Variants in MRPS26 observed in about 807,000 individuals in gnomAD.
MRPS26 encodes the protein small ribosomal subunit protein mS26.
MRPS26 carries 26 observed loss-of-function variants against 22.7 expected under a neutral mutation model. The observed-to-expected ratio is 1.15, with a 90% confidence interval of 0.84 to 1.59. The LOEUF is 1.59. MRPS26 is among the 40% of genes most tolerant of loss of function. The probability of loss-of-function intolerance (pLI) is 0.00; values close to 1 mark genes in which losing one functional copy is unlikely to be tolerated. For synonymous variants in MRPS26, 120 were observed against 124.0 expected (o/e 0.97, Z 0.22); for missense variants, 291 against 287.7 (o/e 1.01, Z -0.08).
At chr20:3,047,662 G>A in intron 3 of MRPS26, 73 bp from the exon 4 acceptor site, 1 of 1,592,296 alleles carries the variant, frequency 6.3e-7, no homozygotes, top group Non-Finnish European at 8.6e-7. Context: ...TGGGGTGAGA[G>A]GCCAGCAGGC....
intron 3 of MRPS26, among the ~76,000 whole-genome samples, chr20:3,047,166 C>CG (rs1262523437): frequency 6.6e-6 from 1 of 152,040 alleles, no homozygotes; most frequent in Non-Finnish European, 1.5e-5. Context: ...TATGGGAGGC[C>CG]GAAGCGGGCG....
rs1568721451 is a variant in MRPS26 at position 3,047,809 on chromosome 20, C to T, written c.558C>T (p.Asn186=). Residue 186 remains asparagine, a synonymous_variant, in exon 4 of 4, where the codon AAC becomes AAT. Coordinates refer to ENST00000380325, the MANE Select transcript of MRPS26 (RefSeq NM_030811.4). ...AAGCAGCATTGGACTCCCGGAAGAACTACAACTGGGCCATCACCAGAGAGG... is the reference window on the plus strand; with the variant it reads ...AAGCAGCATTGGACTCCCGGAAGAATTACAACTGGGCCATCACCAGAGAGG... The part of the protein sequence containing the change: ...RVEAALDSRK[N]YNWAITREGL... The T allele has an allele frequency of 3.1e-6, 5 of 1,613,726 alleles. No individual in the cohort carries two copies. Among genetic ancestry groups the T allele is most frequent in the Non-Finnish European group, 4.2e-6 (5 of 1,179,874 alleles).
chr20:3,046,121 C>T lies in MRPS26; in HGVS notation c.53C>T (p.Ala18Val). Residue 18 changes from alanine to valine, a missense_variant, in exon 1 of 4, where the codon GCC becomes GTC. By Grantham distance (64) the Ala-to-Val change is moderately conservative (BLOSUM62 0). Transcript: ENST00000380325. ...LGAGTPCRPRAPLVLPARGRK... is the reference protein window; with the variant it reads ...LGAGTPCRPRVPLVLPARGRK... ...GCGGGGACCCCGTGCAGGCCCCGGG[C>T]CCCTCTGGTGCTGCCAGCGCGCGGC... The T allele has an allele frequency of 1.3e-6, 2 of 1,581,444 alleles. No individual in the cohort carries two copies. Among genetic ancestry groups the T allele is most frequent in the African/African-American group, 1.3e-5 (1 of 74,388 alleles).
chr20:3,046,771 C>T (rs572745705), intron 3 of MRPS26, 34 bp downstream of exon 3: 4 of 1,454,352 alleles, frequency 2.8e-6, no homozygotes, highest in Admixed American at 2.4e-5. Flanking sequence ...GGACTCCAGC[C>T]GGGGACGCGG....
rs1259278257 is a variant in MRPS26, at chr20:3,046,133, T to C, written c.65T>C (p.Leu22Pro). Residue 22 changes from leucine to proline, a missense_variant, in exon 1 of 4, where the codon CTG becomes CCG. Physicochemically the swap from Leu to Pro is moderately conservative, Grantham distance 98. Transcript: ENST00000380325. ...TGCAGGCCCCGGGCCCCTCTGGTGCTGCCAGCGCGCGGCCGCAAGACCCGC... is the reference window on the plus strand; with the variant it reads ...TGCAGGCCCCGGGCCCCTCTGGTGCCGCCAGCGCGCGGCCGCAAGACCCGC... ...TPCRPRAPLV[L>P]PARGRKTRHD... 1 of 1,590,220 alleles carries C rather than the reference T, an allele frequency of 6.3e-7. No individual in the cohort carries two copies. The highest frequency in any genetic ancestry group is 8.5e-7 in the Non-Finnish European group (1 of 1,176,218).
chr20:3,046,579 G>A (rs2065989794), intron 2 of MRPS26, 35 bp from the exon 3 acceptor site: 1 of 1,531,776 alleles, frequency 6.5e-7, no homozygotes. Flanking sequence ...GAGAAGCCCG[G>A]GCCCCGCTCA....
At position 3,047,797 on chromosome 20, in the gene MRPS26, C is replaced by A. The variant is rs11540731; in HGVS notation, c.546C>A (p.Asp182Glu). The change falls in exon 4 of 4, where the codon GAC becomes GAA. Residue 182 changes from aspartate to glutamate, a missense_variant. Transcript: ENST00000380325. ...AGGCACGGGTGGAAGCAGCATTGGACTCCCGGAAGAACTACAACTGGGCCA... is the reference window on the plus strand; with the variant it reads ...AGGCACGGGTGGAAGCAGCATTGGAATCCCGGAAGAACTACAACTGGGCCA... Reference protein sequence around the residue: ...NLEARVEAALDSRKNYNWAIT... With the variant: ...NLEARVEAALESRKNYNWAIT... 6.2e-7 allele frequency: 1 copy of A among 1,613,870 alleles called. No individual in the cohort carries two copies. Among genetic ancestry groups the A allele is most frequent in the Non-Finnish European group, 8.5e-7 (1 of 1,179,900 alleles).
intron 3 of MRPS26, among the ~76,000 whole-genome samples, 190 bp from the exon 4 acceptor site, chr20:3,047,545 G>A (rs139363934): frequency 1.2e-4 from 18 of 152,306 alleles, no homozygotes; most frequent in Non-Finnish European, 2.2e-4. Flanking sequence ...AAAGAGGAAC[G>A]TGGAAAAGCA....
intron 3 of MRPS26, among the ~76,000 whole-genome samples, chr20:3,047,168 A>G (rs2065992936): frequency 6.6e-6 from 1 of 152,132 alleles, no homozygotes; most frequent in Non-Finnish European, 1.5e-5. Context: ...TGGGAGGCCG[A>G]AGCGGGCGTA....
chr20:3,046,655 G>T lies in MRPS26; in HGVS notation c.401G>T (p.Arg134Leu), dbSNP rs778575611. 9.1e-5 allele frequency: 140 copies of T among 1,541,360 alleles called. 1 individual carries two copies. The highest frequency in any genetic ancestry group is 3.5e-4 in the Middle Eastern group (2 of 5,636). Residue 134 changes from arginine to leucine, a missense_variant, in exon 3 of 4, where the codon CGG (arginine) becomes CTG (leucine). By Grantham distance (102) the Arg-to-Leu change is moderately radical. Coordinates refer to ENST00000380325, the MANE Select transcript of MRPS26 (RefSeq NM_030811.4). ...CAGGAGGAGCGGGAGCAGGAGCAGC[G>T]GCAGGCGTTGGAGCAGGCCCGCAAG... ...LRQEEREQEQ[R>L]QALEQARKAE...
chr20:3,046,502 G>A lies in MRPS26; in HGVS notation c.342G>A (p.Arg114=). Residue 114 remains arginine, a synonymous_variant, in exon 2 of 4, where the codon CGG becomes CGA. Coordinates refer to ENST00000380325, the MANE Select transcript of MRPS26 (RefSeq NM_030811.4). Reference sequence around the variant, plus strand: ...TGGCCTGGAACCAGGCGGAGAACCGGCGGCTGCACGAGCTGCGGTGCGTGG... The same window carrying A: ...TGGCCTGGAACCAGGCGGAGAACCGACGGCTGCACGAGCTGCGGTGCGTGG... The part of the protein sequence containing the change: ...ELMAWNQAEN[R]RLHELRIARL... 6.4e-7 allele frequency: 1 copy of A among 1,559,734 alleles called. No homozygotes were observed. Among genetic ancestry groups the A allele is most frequent in the Non-Finnish European group, 8.6e-7 (1 of 1,158,914 alleles).
rs1353225478 is a variant in MRPS26, at chr20:3,046,752, C to T, written c.483+15C>T. 3.3e-5 allele frequency: 50 copies of T among 1,533,086 alleles called. No homozygotes were observed. The highest frequency in any genetic ancestry group is 4.3e-5 in the Non-Finnish European group (49 of 1,143,504). The allele number at this position is 1,533,086 out of a possible 1,614,324, so 95.0% of individuals were successfully genotyped here. ...TGCAGCTGCAGGTGGGCAACGTCTC[C>T]GGAGGGTGGGACTCCAGCCGGGGAC... On this transcript the variant is annotated intron_variant, in intron 3 of 3. Transcript: ENST00000380325.
At position 3,046,271 on chromosome 20, in the gene MRPS26, G is replaced by C; in HGVS notation, c.203G>C (p.Arg68Pro). 1 of 1,606,414 alleles carries C rather than the reference G, an allele frequency of 6.2e-7. No individual in the cohort carries two copies. Residue 68 changes from arginine to proline, a missense_variant, in exon 1 of 4, where the codon CGC (arginine) becomes CCC (proline). Coordinates refer to ENST00000380325, the MANE Select transcript of MRPS26 (RefSeq NM_030811.4). ...ERYQHYRQTV[R>P]ALRMEFVSEV... is the part of the protein sequence containing the mutation. The stretch of plus-strand genomic sequence containing the variant: ...TACCAGCACTACCGCCAGACCGTGC[G>C]CGCCCTCAGGTGTGCGGCCGGGGGG...
Position 3,046,464 on chromosome 20 carries a change from C to A in MRPS26, c.304C>A (p.His102Asn), listed in dbSNP as rs1419076027. Residue 102 changes from histidine to asparagine, a missense_variant, in exon 2 of 4, where the codon CAC becomes AAC. His to Asn is a moderately conservative substitution (Grantham distance 68, BLOSUM62 1). Coordinates refer to ENST00000380325, the MANE Select transcript of MRPS26 (RefSeq NM_030811.4). ...ERKALKDAAE[H>N]RELMAWNQAE... ...CAAGGCCCTGAAGGACGCCGCCGAGCACCGCGAGCTGATGGCCTGGAACCA... is the reference window on the plus strand; with the variant it reads ...CAAGGCCCTGAAGGACGCCGCCGAGAACCGCGAGCTGATGGCCTGGAACCA... The A allele has an allele frequency of 6.3e-7, 1 of 1,590,586 alleles. No individual in the cohort carries two copies. Among genetic ancestry groups the A allele is most frequent in the East Asian group, 2.3e-5 (1 of 43,980 alleles).
chr20:3,047,712 G>T (rs758321597), intron 3 of MRPS26, 23 bp from the exon 4 acceptor site: 2 of 1,613,014 alleles, frequency 1.2e-6, no homozygotes, highest in Admixed American at 1.7e-5. Flanking sequence ...CTCCTGTTCA[G>T]CTGGGCTTTT....
rs755538163 is a variant in MRPS26 at position 3,046,220 on chromosome 20, C to T, written c.152C>T (p.Ala51Val). ...AACATGCCGCCCGCGGTGGACCCTG[C>T]GGAGTTCTTCGTGCTGATGGAGCGT... ...RVNMPPAVDP[A>V]EFFVLMERYQ... The change falls in exon 1 of 4, where the codon GCG becomes GTG. Residue 51 changes from alanine (A) to valine (V), a missense_variant. Transcript: ENST00000380325. The T allele has an allele frequency of 1.9e-6, 3 of 1,604,418 alleles. No homozygotes were observed. Among genetic ancestry groups the T allele is most frequent in the South Asian group, 2.2e-5 (2 of 91,054 alleles).
intron 3 of MRPS26, 54 bp from the exon 4 acceptor site, chr20:3,047,681 C>A: frequency 6.2e-7 from 1 of 1,605,146 alleles, no homozygotes; most frequent in Non-Finnish European, 8.5e-7. Flanking sequence ...GCTGGGTGGG[C>A]TGGCTGGCAT....
At position 3,046,501 on chromosome 20, in the gene MRPS26, G is replaced by C. The variant is rs775888819; in HGVS notation, c.341G>C (p.Arg114Pro). The C allele has an allele frequency of 1.9e-6, 3 of 1,561,380 alleles. No individual in the cohort carries two copies. The highest frequency in any genetic ancestry group is 1.2e-5 in the South Asian group (1 of 85,500). ...ELMAWNQAENRRLHELRIARL... is the reference protein window; with the variant it reads ...ELMAWNQAENPRLHELRIARL... The stretch of plus-strand genomic sequence containing the variant: ...ATGGCCTGGAACCAGGCGGAGAACC[G>C]GCGGCTGCACGAGCTGCGGTGCGTG... The change falls in exon 2 of 4, where the codon CGG becomes CCG. Residue 114 changes from arginine to proline, a missense_variant. Physicochemically the swap from Arg to Pro is moderately radical, Grantham distance 103. Coordinates refer to ENST00000380325, the MANE Select transcript of MRPS26 (RefSeq NM_030811.4).
intron 1 of MRPS26, 33 bp downstream of exon 1, chr20:3,046,313 G>T: frequency 6.2e-7 from 1 of 1,605,112 alleles, no homozygotes; most frequent in Non-Finnish European, 8.5e-7. Context: ...CCGCCCGCGC[G>T]CGCTGGTGAC....
Sources: allele counts gnomAD v4.1 joint callset (sites outside exome capture counted in the v4.1 genomes callset), GRCh38; gene constraint gnomAD v4.1.1; transcripts MANE v1.5; gene names NCBI Gene and HGNC (gene_info 2026-07-23, HGNC 2026-07-21).